Variants in PCDH9 observed in about 807,000 individuals in gnomAD.
PCDH9 encodes protocadherin 9, also known as protocadherin-9.
A neutral mutation model predicts 70.6 loss-of-function variants in PCDH9; 24 were observed. That is an observed-to-expected ratio of 0.34 (90% CI 0.25 to 0.48). PCDH9 has a LOEUF of 0.48. Ranked by LOEUF, PCDH9 falls within the 20% of genes least tolerant of loss-of-function variation. The pLI is 0.99. For synonymous variants in PCDH9, 562 were observed against 558.5 expected, an observed-to-expected ratio of 1.01 and a Z score of -0.09; for missense variants, 1,281 against 1,503.6, an observed-to-expected ratio of 0.85 and a Z score of 2.45.
chr13:66,858,490 C>T (rs536623273), intron 3 of PCDH9, among the ~76,000 whole-genome samples: 1 of 152,286 alleles, frequency 6.6e-6, no homozygotes, highest in East Asian at 1.9e-4. Flanking sequence ...ACTTTGATTA[C>T]TTACACTTAC....
intron 2 of PCDH9, among the ~76,000 whole-genome samples, chr13:67,184,776 G>T (rs1466896301): frequency 6.6e-6 from 1 of 152,010 alleles, no homozygotes; most frequent in Non-Finnish European, 1.5e-5. Context: ...AGGGTGAGGG[G>T]TATTGATGTA....
intron 4 of PCDH9, among the ~76,000 whole-genome samples, chr13:66,530,220 AATT>A (rs1960392521): frequency 6.6e-6 from 1 of 152,220 alleles, no homozygotes; most frequent in Admixed American, 6.5e-5. Flanking sequence ...TACAGAAAGA[AATT>A]ATAAATACTG....
chr13:67,110,153 G>A (rs995799026), intron 2 of PCDH9, among the ~76,000 whole-genome samples: 4 of 151,590 alleles, frequency 2.6e-5, no homozygotes, highest in African/African-American at 9.7e-5. Context: ...CTAGGTTTAA[G>A]CTCATCATAT....
At chr13:66,355,414 G>A (rs1318183835) in intron 4 of PCDH9, among the ~76,000 whole-genome samples, 1 of 151,958 alleles carries the variant, frequency 6.6e-6, no homozygotes, top group Non-Finnish European at 1.5e-5. Flanking sequence ...TGAAAAAAGT[G>A]TCCTTTTCAT....
At chr13:66,787,764 C>T (rs986034530) in intron 3 of PCDH9, among the ~76,000 whole-genome samples, 4 of 152,154 alleles carry the variant, frequency 2.6e-5, no homozygotes, top group Non-Finnish European at 4.4e-5. Context: ...TTTTCTTCCC[C>T]TTCATCCAAT....
At chr13:66,365,665 A>T (rs2138203710) in intron 4 of PCDH9, among the ~76,000 whole-genome samples, 1 of 152,294 alleles carries the variant, frequency 6.6e-6, no homozygotes, top group East Asian at 1.9e-4. Context: ...ATCAAGAGGT[A>T]TTTTTAGGTA....
intron 2 of PCDH9, among the ~76,000 whole-genome samples, chr13:67,140,440 G>C (rs1172171329): frequency 6.6e-6 from 1 of 152,142 alleles, no homozygotes; most frequent in Non-Finnish European, 1.5e-5. Context: ...GAAAACCCAA[G>C]AGAATGATAA....
intron 2 of PCDH9, among the ~76,000 whole-genome samples, chr13:67,145,929 T>G (rs2087512313): frequency 6.6e-6 from 1 of 152,108 alleles, no homozygotes; most frequent in Non-Finnish European, 1.5e-5. Flanking sequence ...CACTTGCTTT[T>G]GAAAGATGAC....
At chr13:66,718,258 G>A (rs1593946320) in intron 3 of PCDH9, among the ~76,000 whole-genome samples, 1 of 152,174 alleles carries the variant, frequency 6.6e-6, no homozygotes, top group African/African-American at 2.4e-5. Context: ...AACTGAGAGA[G>A]AAGTTGCTAT....
At chr13:66,320,280 T>C (rs545753671) in intron 4 of PCDH9, among the ~76,000 whole-genome samples, 55 of 152,204 alleles carry the variant, frequency 3.6e-4, no homozygotes, top group African/African-American at 1.2e-3. Flanking sequence ...TAAAGTATGT[T>C]AAGTAATTCC....
At chr13:66,825,486 G>A (rs1316884148) in intron 3 of PCDH9, among the ~76,000 whole-genome samples, 5 of 150,054 alleles carry the variant, frequency 3.3e-5, no homozygotes, top group South Asian at 2.1e-4. Context: ...ACAGGCGCGC[G>A]CCACCATGCC....
intron 4 of PCDH9, among the ~76,000 whole-genome samples, chr13:66,610,946 C>G (rs148033032): frequency 2.0e-5 from 3 of 152,072 alleles, no homozygotes; most frequent in Non-Finnish European, 4.4e-5. Context: ...TCTTATAAAA[C>G]ATAAAAGATA....
chr13:66,804,354 G>A (rs768192607), intron 3 of PCDH9, among the ~76,000 whole-genome samples: 1 of 152,216 alleles, frequency 6.6e-6, no homozygotes, highest in African/African-American at 2.4e-5. Flanking sequence ...GAGGAGACTG[G>A]TCATTTGGCA....
chr13:66,336,558 G>A (rs1434112199), intron 4 of PCDH9, among the ~76,000 whole-genome samples: 1 of 152,114 alleles, frequency 6.6e-6, no homozygotes, highest in East Asian at 1.9e-4. Context: ...TTTTAAAAAT[G>A]CCAAATAACC....
At chr13:67,194,521 T>A (rs1400060078) in intron 2 of PCDH9, among the ~76,000 whole-genome samples, 1 of 152,164 alleles carries the variant, frequency 6.6e-6, no homozygotes, top group Admixed American at 6.5e-5. Context: ...AATTTATAAT[T>A]GAAGAATTTA....
chr13:66,491,016 C>T (rs551273319), intron 4 of PCDH9, among the ~76,000 whole-genome samples: 2 of 152,146 alleles, frequency 1.3e-5, no homozygotes, highest in Non-Finnish European at 2.9e-5. Context: ...GAGATATACT[C>T]TCACTTTGAT....
At chr13:67,067,017 G>C (rs966305455) in intron 2 of PCDH9, among the ~76,000 whole-genome samples, 1 of 151,448 alleles carries the variant, frequency 6.6e-6, no homozygotes, top group Non-Finnish European at 1.5e-5. Context: ...CTGCTTCTAA[G>C]AGTGATAAAT....
intron 2 of PCDH9, among the ~76,000 whole-genome samples, chr13:67,109,768 T>C (rs539762766): frequency 9.2e-4 from 140 of 152,294 alleles, no homozygotes; most frequent in Middle Eastern, 3.4e-3. Context: ...AAAAGCTGGG[T>C]TGTTATATTT....
chr13:67,010,201 T>A (rs939689737), intron 2 of PCDH9, among the ~76,000 whole-genome samples: 1 of 152,076 alleles, frequency 6.6e-6, no homozygotes, highest in Non-Finnish European at 1.5e-5. Flanking sequence ...TTGGAGTGGT[T>A]GTTGTTTTAA....
Sources: allele counts gnomAD v4.1 joint callset (sites outside exome capture counted in the v4.1 genomes callset), GRCh38; gene constraint gnomAD v4.1.1; transcripts MANE v1.5; gene names NCBI Gene and HGNC (gene_info 2026-07-23, HGNC 2026-07-21).